FGF14: variants seen among roughly 807,000 people sequenced by gnomAD.
FGF14 encodes fibroblast growth factor homologous factor 4.
A neutral mutation model predicts 25.5 loss-of-function variants in FGF14; 5 were observed. The observed-to-expected ratio is 0.20, with a 90% CI of 0.10 to 0.41. FGF14 has a LOEUF of 0.41. FGF14 is among the 10% of genes least tolerant of loss of function. The pLI, the probability that FGF14 is intolerant of heterozygous loss-of-function variation, is 1.00. For synonymous variants in FGF14, 138 were observed against 118.3 expected (o/e 1.17, Z -1.08); for missense variants, 222 against 320.1 (o/e 0.69, Z 2.34).
At chr13:101,732,375 CTT>C (rs1331829696) in intron 3 of FGF14, among the ~76,000 whole-genome samples, 1 of 152,232 alleles carries the variant, frequency 6.6e-6, no homozygotes, top group East Asian at 1.9e-4. Flanking sequence ...TCCAAAATAA[CTT>C]AAAAAGAGGA....
At chr13:101,857,959 G>A (rs553966708) in intron 3 of FGF14, among the ~76,000 whole-genome samples, 2 of 152,092 alleles carry the variant, frequency 1.3e-5, no homozygotes, top group African/African-American at 4.8e-5. Flanking sequence ...GAAGAAAAAT[G>A]TATAGTTTGG....
intron 3 of FGF14, chr13:101,802,606 T>G (rs1422972561): frequency 2.0e-5 from 3 of 152,872 alleles, no homozygotes; most frequent in Non-Finnish European, 4.4e-5. Context: ...CTAGAAATTG[T>G]CAGTGGTTTA....
chr13:102,180,033 CA>C (rs894132043), intron 1 of FGF14, among the ~76,000 whole-genome samples: 24 of 150,642 alleles, frequency 1.6e-4, no homozygotes, highest in Non-Finnish European at 3.1e-4. Context: ...ACTGCTAATG[CA>C]AAAAAAAATC....
chr13:102,350,486 C>A (rs1205906455), intron 1 of FGF14, among the ~76,000 whole-genome samples: 1 of 152,158 alleles, frequency 6.6e-6, no homozygotes, highest in Non-Finnish European at 1.5e-5. Context: ...CCTTGTTATA[C>A]TTCCTGCCCA....
intron 1 of FGF14, among the ~76,000 whole-genome samples, chr13:102,132,910 T>TA (rs1030885273): frequency 1.3e-5 from 2 of 152,218 alleles, no homozygotes; most frequent in African/African-American, 2.4e-5. Flanking sequence ...GCGGAGTTGT[T>TA]AAAAAGATTT....
intron 1 of FGF14, among the ~76,000 whole-genome samples, chr13:102,212,490 C>G (rs1202147229): frequency 1.3e-5 from 2 of 152,178 alleles, no homozygotes; most frequent in African/African-American, 4.8e-5. Context: ...TGTCCCCCTG[C>G]TATTCTGTTC....
intron 1 of FGF14, among the ~76,000 whole-genome samples, chr13:102,219,740 CA>C: frequency 6.6e-6 from 1 of 152,144 alleles, no homozygotes; most frequent in Non-Finnish European, 1.5e-5. Context: ...AAAGTGAAGC[CA>C]ATAATGACAA....
chr13:102,338,324 C>A (rs1051955493), intron 1 of FGF14, among the ~76,000 whole-genome samples: 3 of 152,116 alleles, frequency 2.0e-5, no homozygotes, highest in Non-Finnish European at 2.9e-5. Context: ...TCCATGCCCC[C>A]CCTTCTGCCC....
chr13:102,169,004 A>T (rs558105525), intron 1 of FGF14, among the ~76,000 whole-genome samples: 1 of 151,956 alleles, frequency 6.6e-6, no homozygotes, highest in African/African-American at 2.4e-5. Flanking sequence ...AGGGAGACAG[A>T]GAAGAAAAAA....
chr13:101,820,746 G>C lies in FGF14; in HGVS notation c.408+47979C>G, dbSNP rs75556397. Among the ~76,000 whole-genome samples, 5 of 150,662 alleles carry C rather than the reference G, an allele frequency of 3.3e-5. No individual in the cohort carries two copies. In the East Asian group the frequency reaches 9.9e-4, roughly 30 times the overall value. On this transcript the variant is annotated intron_variant, in intron 3 of 4. Coordinates refer to ENST00000376143, the MANE Select transcript of FGF14 (RefSeq NM_004115.4). ...AAACTGCCCAAGTATTAAGCTTATA[G>C]CTACAGCTACAGTACACACACACAC...
chr13:102,176,086 G>C (rs534966182), intron 1 of FGF14, among the ~76,000 whole-genome samples: 1 of 152,030 alleles, frequency 6.6e-6, no homozygotes, highest in Non-Finnish European at 1.5e-5. Context: ...CAAAGGAAAA[G>C]AAATTGTTAT....
intron 1 of FGF14, among the ~76,000 whole-genome samples, chr13:101,896,272 C>T (rs962583164): frequency 6.6e-6 from 1 of 152,138 alleles, no homozygotes; most frequent in Non-Finnish European, 1.5e-5. Context: ...ATCAACGCTT[C>T]CCATACCACC....
In FGF14 at chr13:102,181,874, C is replaced by G. The variant is rs369834945; in HGVS notation, c.208+219597G>C. Among the ~76,000 whole-genome samples the G allele has an allele frequency of 1.1e-4, 17 of 152,110 alleles. No homozygotes were observed. In the East Asian group the frequency reaches 2.3e-3, roughly 21 times the overall value. On this transcript the variant is annotated intron_variant, in intron 1 of 4. Coordinates refer to the FGF14 transcript ENST00000376131. ...GACGTCTTTGGAGACCATTATTCTG[C>G]CAACTGCATCTGTGGAAGAAAGAAC...
At chr13:101,876,075 C>A (rs527950170) in intron 1 of FGF14, among the ~76,000 whole-genome samples, 1 of 152,114 alleles carries the variant, frequency 6.6e-6, no homozygotes. Flanking sequence ...TCTTTGTCAA[C>A]GGGCATTGAG....
chr13:102,390,456 T>A (rs1020102476), intron 1 of FGF14, among the ~76,000 whole-genome samples: 1 of 152,230 alleles, frequency 6.6e-6, no homozygotes, highest in African/African-American at 2.4e-5. Flanking sequence ...GAAATACTGA[T>A]CACTTTCACA....
At chr13:101,801,890 G>T in intron 3 of FGF14, 1 of 388,138 alleles carries the variant, frequency 2.6e-6, no homozygotes, top group South Asian at 2.3e-5. Context: ...GGCTAAAGGT[G>T]ACACCAAGAA....
intron 1 of FGF14, among the ~76,000 whole-genome samples, chr13:101,972,171 T>C (rs2037637338): frequency 6.6e-6 from 1 of 152,250 alleles, no homozygotes; most frequent in African/African-American, 2.4e-5. Context: ...TAAATAAATG[T>C]GGTCCTGCTT....
intron 1 of FGF14, among the ~76,000 whole-genome samples, chr13:102,061,309 C>T (rs761764717): frequency 4.6e-5 from 7 of 152,222 alleles, no homozygotes; most frequent in Admixed American, 1.3e-4. Flanking sequence ...CACCTGCCCA[C>T]TGGGGCTTTG....
intron 1 of FGF14, among the ~76,000 whole-genome samples, chr13:102,148,740 G>A (rs577977387): frequency 3.9e-5 from 6 of 152,088 alleles, no homozygotes; most frequent in South Asian, 2.1e-4. Flanking sequence ...GCAGTGAGCC[G>A]AGATCGCACC....
Sources: allele counts gnomAD v4.1 joint callset (sites outside exome capture counted in the v4.1 genomes callset), GRCh38; gene constraint gnomAD v4.1.1; transcripts MANE v1.5; gene names NCBI Gene and HGNC (gene_info 2026-07-23, HGNC 2026-07-21).